The following GKN1 variants were observed in gnomAD, a reference collection of about 807,000 sequenced individuals.
The protein encoded by GKN1 is gastrokine-1.
In GKN1, 17 loss-of-function variants were observed where a neutral mutation model predicts 19.7. That is an observed-to-expected ratio of 0.86 (90% CI 0.59 to 1.29). GKN1 has a LOEUF of 1.29. Ranked by LOEUF, GKN1 falls within the 50% of genes most tolerant of loss-of-function variation. The pLI is 0.00. For missense variants in GKN1, 218 were observed against 224.5 expected, an observed-to-expected ratio of 0.97 and a Z score of 0.19; for synonymous variants, 96 against 78.3, an observed-to-expected ratio of 1.23 and a Z score of -1.20.
intron 3 of GKN1, chr2:68,978,055 T>A: frequency 2.6e-6 from 1 of 391,574 alleles, no homozygotes. Context: ...TTGCCTTGCC[T>A]GCAGATACCC....
chr2:68,978,180 C>G (rs1254643210), intron 3 of GKN1: 2 of 153,108 alleles, frequency 1.3e-5, no homozygotes, highest in Non-Finnish European at 2.8e-5. Flanking sequence ...GACATTTCAC[C>G]TAAAACTCGG....
chr2:68,980,750 C>A lies in GKN1; in HGVS notation c.485C>A (p.Ser162Ter). Reference sequence around the variant, plus strand: ...TTAGAGGCAAGCCTGTTTTTTTACTCAGGAACGTGCTACACGACCAGTGTA... The same window carrying A: ...TTAGAGGCAAGCCTGTTTTTTTACTAAGGAACGTGCTACACGACCAGTGTA... Reference protein sequence around the residue: ...EMQEASLFFYSGTCYTTSVLW... With the variant: ...EMQEASLFFY Residue 162 changes from serine (S) to a stop codon, truncating the protein, a stop_gained, in exon 6 of 6, where the codon TCA becomes TAA. Coordinates refer to ENST00000377938, the MANE Select transcript of GKN1 (RefSeq NM_019617.4). LOFTEE classifies it low-confidence loss of function (END_TRUNC). The A allele has an allele frequency of 6.3e-7, 1 of 1,584,276 alleles. No homozygotes were observed. Among genetic ancestry groups the A allele is most frequent in the Non-Finnish European group, 8.7e-7 (1 of 1,152,924 alleles).
At chr2:68,974,797 TA>T in intron 1 of GKN1, 108 bp downstream of exon 1, 1 of 778,316 alleles carries the variant, frequency 1.3e-6, no homozygotes, top group Non-Finnish European at 2.3e-6. Flanking sequence ...AAATTTGTTT[TA>T]AAAAAATTCT....
intron 4 of GKN1, 144 bp downstream of exon 4, chr2:68,979,125 G>T: frequency 1.9e-6 from 1 of 537,990 alleles, no homozygotes; most frequent in Non-Finnish European, 3.4e-6. Context: ...GTGATTGCCT[G>T]AGGGAAGGCA....
chr2:68,977,536 C>T lies in GKN1; in HGVS notation c.54C>T (p.Ala18=), dbSNP rs147955757. 5.6e-6 allele frequency: 9 copies of T among 1,610,434 alleles called. No individual in the cohort carries two copies. Among genetic ancestry groups the T allele is most frequent in the Non-Finnish European group, 5.9e-6 (7 of 1,176,964 alleles). Residue 18 remains alanine (A), a synonymous_variant, in exon 2 of 6, where the codon GCC becomes GCT. Transcript: ENST00000377938. ...TTCTTGGAGTCTTTCTAGCTCCTGC[C>T]CTAGCTAACTATGTAAGTCTCACCT... ...AGLLGVFLAP[A]LANYNINVND... is the part of the protein sequence containing the mutation.
At chr2:68,979,431 A>T (rs1352408453) in intron 4 of GKN1, among the ~76,000 whole-genome samples, 1 of 152,232 alleles carries the variant, frequency 6.6e-6, no homozygotes, top group Non-Finnish European at 1.5e-5. Context: ...TCTGAAATTC[A>T]AATGTAACTG....
chr2:68,978,420 C>T (rs1670309815), intron 3 of GKN1, among the ~76,000 whole-genome samples: 1 of 151,820 alleles, frequency 6.6e-6, no homozygotes, highest in Non-Finnish European at 1.5e-5. Context: ...AGTTAGGAGA[C>T]CCAACTCTGG....
rs576221373 is a variant in GKN1, at chr2:68,980,756, C to T, written c.491C>T (p.Thr164Met). ...QEASLFFYSG[T>M]CYTTSVLWIV... The stretch of plus-strand genomic sequence containing the variant: ...GCAAGCCTGTTTTTTTACTCAGGAA[C>T]GTGCTACACGACCAGTGTACTATGG... The change falls in exon 6 of 6, where the codon ACG becomes ATG. Residue 164 changes from threonine (T) to methionine (M), a missense_variant. Coordinates refer to ENST00000377938, the MANE Select transcript of GKN1 (RefSeq NM_019617.4). 4.7e-5 allele frequency: 75 copies of T among 1,587,856 alleles called. No individual in the cohort carries two copies. The East Asian group carries it at 1.2e-3, about 26-fold the overall frequency.
At chr2:68,978,297 A>AC (rs757172989) in intron 3 of GKN1, among the ~76,000 whole-genome samples, 1 of 97,342 alleles carries the variant, frequency 1.0e-5, no homozygotes, top group African/African-American at 6.2e-5. Context: ...AGAAAGAAAG[A>AC]GAGAGAAAGA....
chr2:68,975,106 T>C (rs2098040135), intron 1 of GKN1, among the ~76,000 whole-genome samples: 1 of 152,208 alleles, frequency 6.6e-6, no homozygotes, highest in African/African-American at 2.4e-5. Context: ...CACACTGACC[T>C]ATTTTTAACA....
At chr2:68,980,104 G>A (rs367669142) in intron 5 of GKN1, 44 bp downstream of exon 5, 2 of 1,575,722 alleles carry the variant, frequency 1.3e-6, no homozygotes, top group Admixed American at 3.3e-5. Flanking sequence ...GTGCTGGTGG[G>A]ATTGTCAGAC....
intron 1 of GKN1, among the ~76,000 whole-genome samples, chr2:68,975,661 G>A (rs776733864): frequency 6.6e-6 from 1 of 152,090 alleles, no homozygotes; most frequent in South Asian, 2.1e-4. Flanking sequence ...AAGGGTCAGA[G>A]GGAGCTCCAG....
rs1670331290 is a variant in GKN1, at chr2:68,979,835, C to A, written c.316-78C>A. ...AACACTCACTGTTGGCCTCGTATAC[C>A]CCTCAAGTCAACAAACCACTGGGCT... On this transcript the variant is annotated intron_variant, in intron 4 of 5. Coordinates refer to ENST00000377938, the MANE Select transcript of GKN1 (RefSeq NM_019617.4). 2.5e-6 allele frequency: 3 copies of A among 1,204,572 alleles called. No homozygotes were observed. The African/African-American group carries it at 4.5e-5, about 18-fold the overall frequency. The allele number at this position is 1,204,572 out of a possible 1,614,324, so 74.6% of individuals were successfully genotyped here.
intron 1 of GKN1, 47 bp downstream of exon 1, chr2:68,974,736 T>C (rs1670226407): frequency 1.7e-6 from 2 of 1,179,388 alleles, no homozygotes; most frequent in Admixed American, 1.7e-5. Flanking sequence ...GATTGGAGAC[T>C]GTCAATATTC....
At chr2:68,976,396 C>T (rs1670263065) in intron 1 of GKN1, among the ~76,000 whole-genome samples, 1 of 152,050 alleles carries the variant, frequency 6.6e-6, no homozygotes, top group South Asian at 2.1e-4. Context: ...AAATTCAATA[C>T]TGGTACAAAT....
intron 3 of GKN1, 168 bp downstream of exon 3, chr2:68,977,942 A>C (rs1208128696): frequency 1.6e-6 from 1 of 606,680 alleles, no homozygotes; most frequent in Non-Finnish European, 2.9e-6. Flanking sequence ...TGTTCCCTAG[A>C]GATAACTACT....
intron 1 of GKN1, among the ~76,000 whole-genome samples, chr2:68,977,059 T>C (rs965081113): frequency 3.3e-5 from 5 of 152,222 alleles, no homozygotes; most frequent in African/African-American, 1.2e-4. Flanking sequence ...ATGATACCAC[T>C]TATTAAACTG....
intron 4 of GKN1, 94 bp downstream of exon 4, chr2:68,979,075 C>T: frequency 2.9e-6 from 2 of 686,864 alleles, no homozygotes; most frequent in South Asian, 1.8e-5. Flanking sequence ...CTCTTGACTA[C>T]AGTATGTTGT....
chr2:68,978,615 A>G (rs1233361042), intron 3 of GKN1, among the ~76,000 whole-genome samples: 2 of 152,188 alleles, frequency 1.3e-5, no homozygotes, highest in African/African-American at 4.8e-5. Context: ...ACTTATATAG[A>G]GGGGTTTTTA....
Sources: allele counts gnomAD v4.1 joint callset (sites outside exome capture counted in the v4.1 genomes callset), GRCh38; gene constraint gnomAD v4.1.1; transcripts MANE v1.5; gene names NCBI Gene and HGNC (gene_info 2026-07-23, HGNC 2026-07-21).